The following GLIS3 variants were observed in gnomAD, a reference collection of about 807,000 sequenced individuals.
The protein encoded by GLIS3 is zinc finger protein GLIS3.
Under a neutral mutation model 78.6 loss-of-function variants are expected in GLIS3, and 53 were observed. That is an observed-to-expected ratio of 0.67 (90% CI 0.54 to 0.85). The LOEUF (loss-of-function observed/expected upper bound fraction) is 0.85. GLIS3 is among the 40% of genes least tolerant of loss of function. The pLI, the probability that GLIS3 is intolerant of heterozygous loss-of-function variation, is 0.00. For missense variants in GLIS3, 1,703 were observed against 1,231.1 expected (o/e 1.38, Z -5.74); for synonymous variants, 684 against 509.9 (o/e 1.34, Z -4.60).
At chr9:4,059,231 T>C (rs998378429) in intron 4 of GLIS3, among the ~76,000 whole-genome samples, 1 of 152,236 alleles carries the variant, frequency 6.6e-6, no homozygotes, top group Non-Finnish European at 1.5e-5. Context: ...CTATGCTTTA[T>C]GCTAAGCTGT....
intron 4 of GLIS3, among the ~76,000 whole-genome samples, chr9:4,110,969 C>A (rs1318233346): frequency 6.6e-6 from 1 of 152,090 alleles, no homozygotes; most frequent in African/African-American, 2.4e-5. Context: ...ACAACACGAC[C>A]ACTCAAAGAA....
intron 9 of GLIS3, among the ~76,000 whole-genome samples, chr9:3,840,968 G>A (rs1818678268): frequency 2.0e-5 from 3 of 152,194 alleles, no homozygotes. Flanking sequence ...AGGTAGCAGA[G>A]AAGGAGGAGG....
intron 2 of GLIS3, among the ~76,000 whole-genome samples, chr9:4,214,731 G>T (rs1004272456): frequency 2.0e-5 from 3 of 152,086 alleles, no homozygotes; most frequent in Admixed American, 6.5e-5. Flanking sequence ...TTCACTTCTT[G>T]GATAAAATGA....
the GLIS3 span, among the ~76,000 whole-genome samples, chr9:4,382,987 T>A: frequency 6.6e-6 from 1 of 152,206 alleles, no homozygotes; most frequent in Non-Finnish European, 1.5e-5. Flanking sequence ...CTTGAATCCA[T>A]CTTCCCATCT....
At chr9:4,291,579 C>G (rs2130391123) in intron 1 of GLIS3, among the ~76,000 whole-genome samples, 1 of 151,870 alleles carries the variant, frequency 6.6e-6, no homozygotes, top group East Asian at 1.9e-4. Flanking sequence ...TAAATATGAA[C>G]AGGACACAGA....
chr9:4,357,506 T>G, the GLIS3 span, among the ~76,000 whole-genome samples: 1 of 152,138 alleles, frequency 6.6e-6, no homozygotes, highest in Non-Finnish European at 1.5e-5. Flanking sequence ...GGTTTCCAGC[T>G]TGCTGACTGT....
intron 4 of GLIS3, among the ~76,000 whole-genome samples, chr9:4,045,095 A>C (rs1345671202): frequency 6.6e-6 from 1 of 152,186 alleles, no homozygotes; most frequent in Admixed American, 6.5e-5. Flanking sequence ...GTGGCCAGAC[A>C]ACCTAGCACC....
intron 4 of GLIS3, among the ~76,000 whole-genome samples, chr9:4,087,311 A>T (rs1681150929): frequency 6.6e-6 from 1 of 152,182 alleles, no homozygotes; most frequent in Non-Finnish European, 1.5e-5. Context: ...CTTGCGGCAA[A>T]ACATACTTTC....
chr9:3,933,301 G>A (rs577298072), intron 5 of GLIS3, among the ~76,000 whole-genome samples: 2 of 152,196 alleles, frequency 1.3e-5, no homozygotes, highest in Non-Finnish European at 2.9e-5. Flanking sequence ...TCAGCTTCCT[G>A]AGTAGCTGGG....
At chr9:4,371,917 A>G in the GLIS3 span, among the ~76,000 whole-genome samples, 1 of 152,108 alleles carries the variant, frequency 6.6e-6, no homozygotes, top group Non-Finnish European at 1.5e-5. Flanking sequence ...CCTCCCACCT[A>G]CTTCGATGCT....
At chr9:4,478,814 C>A in the GLIS3 span, among the ~76,000 whole-genome samples, 2 of 152,136 alleles carry the variant, frequency 1.3e-5, no homozygotes, top group African/African-American at 4.8e-5. Flanking sequence ...TTCACCATCA[C>A]CAATAGATGC....
chr9:4,382,706 A>G, the GLIS3 span, among the ~76,000 whole-genome samples: 2 of 152,160 alleles, frequency 1.3e-5, no homozygotes, highest in African/African-American at 4.8e-5. Context: ...AGTGGGTACT[A>G]TAGGGTCGAG....
intron 2 of GLIS3, among the ~76,000 whole-genome samples, chr9:4,182,726 T>A (rs1817442009): frequency 6.6e-6 from 1 of 152,188 alleles, no homozygotes; most frequent in Admixed American, 6.5e-5. Flanking sequence ...CATTGGCGAC[T>A]ATCTTGGAGA....
rs76243248 is a variant in GLIS3, at chr9:4,125,927, C to A, written c.403G>T (p.Gly135Trp). The A allele has an allele frequency of 6.2e-7, 1 of 1,613,644 alleles. No homozygotes were observed. Among genetic ancestry groups the A allele is most frequent in the East Asian group, 2.2e-5 (1 of 44,894 alleles). Residue 135 changes from glycine (G) to tryptophan (W), a missense_variant, in exon 3 of 11, where the codon GGG becomes TGG. By Grantham distance (184) the Gly-to-Trp change is radical. Transcript: ENST00000381971. ...PNPGKGALGFGPQCKSIGKGS... is the reference protein window; with the variant it reads ...PNPGKGALGFWPQCKSIGKGS... ...TTTCCAATGGACTTGCACTGAGGCCCAAAGCCAAGAGCCCCTAAAAACAAA... is the reference window on the plus strand; with the variant it reads ...TTTCCAATGGACTTGCACTGAGGCCAAAAGCCAAGAGCCCCTAAAAACAAA...
chr9:3,862,246 G>T (rs974785198), intron 8 of GLIS3, among the ~76,000 whole-genome samples: 4 of 152,174 alleles, frequency 2.6e-5, no homozygotes, highest in African/African-American at 9.6e-5. Context: ...TGAGTGGTGG[G>T]GTGAGGGGGG....
At chr9:3,899,799 T>C (rs571711376) in intron 6 of GLIS3, among the ~76,000 whole-genome samples, 2 of 152,358 alleles carry the variant, frequency 1.3e-5, no homozygotes, top group South Asian at 4.1e-4. Context: ...TGACTGCTTT[T>C]GTCAAAGTTA....
chr9:4,027,431 T>C (rs1490610290), intron 4 of GLIS3, among the ~76,000 whole-genome samples: 1 of 152,174 alleles, frequency 6.6e-6, no homozygotes. Flanking sequence ...ATCAGTTCAT[T>C]TGAGGACTGA....
chr9:4,344,285 G>A (rs1191078648), intron 2 of GLIS3, among the ~76,000 whole-genome samples: 1 of 152,008 alleles, frequency 6.6e-6, no homozygotes, highest in African/African-American at 2.4e-5. Flanking sequence ...CTCTCTTCAA[G>A]GCCACTAATG....
chr9:4,281,469 A>G (rs772883968), intron 2 of GLIS3, among the ~76,000 whole-genome samples: 73 of 152,182 alleles, frequency 4.8e-4, no homozygotes, highest in Non-Finnish European at 8.7e-4. Flanking sequence ...CCCAGCAACC[A>G]CCACTCTTTC....
Sources: allele counts gnomAD v4.1 joint callset (sites outside exome capture counted in the v4.1 genomes callset), GRCh38; gene constraint gnomAD v4.1.1; transcripts MANE v1.5; gene names NCBI Gene and HGNC (gene_info 2026-07-23, HGNC 2026-07-21).